SDC3: variants seen among roughly 807,000 people sequenced by gnomAD.
SDC3 encodes syndecan-3.
SDC3 carries 13 observed loss-of-function variants against 24.4 expected under a neutral mutation model. The ratio of observed to expected loss-of-function variants is 0.53; its 90% confidence interval spans 0.35 to 0.85. SDC3 has a LOEUF of 0.85. SDC3 is among the 40% of genes least tolerant of loss of function. The probability of loss-of-function intolerance (pLI) is 0.01; values close to 1 mark genes in which losing one functional copy is unlikely to be tolerated. For missense variants in SDC3, 571 were observed against 584.5 expected (o/e 0.98, Z 0.24); for synonymous variants, 295 against 260.9 (o/e 1.13, Z -1.26).
intron 1 of SDC3, among the ~76,000 whole-genome samples, chr1:30,890,416 A>G (rs1394479125): frequency 2.0e-5 from 3 of 152,254 alleles, no homozygotes; most frequent in African/African-American, 4.8e-5. Flanking sequence ...ATATTATTCC[A>G]TTTATATGAA....
intron 1 of SDC3, among the ~76,000 whole-genome samples, chr1:30,882,073 A>C (rs1392376584): frequency 6.6e-6 from 1 of 151,926 alleles, no homozygotes; most frequent in Non-Finnish European, 1.5e-5. Context: ...GACCCAACAC[A>C]CCAGGCACTC....
rs777652983 is a variant in SDC3, at chr1:30,877,113, T to C, written c.309A>G (p.Val103=). 6.2e-7 allele frequency: 1 copy of C among 1,613,922 alleles called. No individual in the cohort carries two copies. Among genetic ancestry groups the C allele is most frequent in the Non-Finnish European group, 8.5e-7 (1 of 1,179,982 alleles). The change falls in exon 3 of 5, where the codon GTA becomes GTG. Residue 103 remains valine, a synonymous_variant. Transcript: ENST00000339394. ...CAGGTGTGGTGGACACCGCCAGGGC[T>C]ACATCTGGGCTGAAGCGCATGGCTG... is the stretch of plus-strand genomic sequence containing the variant. The part of the protein sequence containing the change: ...IETAMRFSPD[V]ALAVSTTPAV...
chr1:30,884,538 GTTCCCACCATCCCCCCAGGATGCCCTTT>G (rs1639800545), intron 1 of SDC3, among the ~76,000 whole-genome samples: 1 of 151,940 alleles, frequency 6.6e-6, no homozygotes, highest in African/African-American at 2.4e-5. Flanking sequence ...CCAGCCCTGT[GTTCCCACCATCCCCCCAGGATGCCCTTT>G]TTCCCACTGT....
At chr1:30,897,800 T>C (rs1242753519) in intron 1 of SDC3, among the ~76,000 whole-genome samples, 1 of 152,214 alleles carries the variant, frequency 6.6e-6, no homozygotes, top group Non-Finnish European at 1.5e-5. Context: ...TCCTCTTTTG[T>C]AAAATGAAGA....
intron 1 of SDC3, among the ~76,000 whole-genome samples, chr1:30,905,909 A>G (rs891442301): frequency 1.3e-5 from 2 of 149,336 alleles, no homozygotes; most frequent in African/African-American, 4.9e-5. Context: ...CACCATCTGC[A>G]GTGTGAATGA....
At chr1:30,899,613 A>G (rs1570027316) in intron 1 of SDC3, among the ~76,000 whole-genome samples, 1 of 149,754 alleles carries the variant, frequency 6.7e-6, no homozygotes, top group Non-Finnish European at 1.5e-5. Flanking sequence ...CTCATGATCC[A>G]CCCGCCTTGG....
chr1:30,886,916 C>T (rs1269217495), intron 1 of SDC3, among the ~76,000 whole-genome samples: 1 of 152,156 alleles, frequency 6.6e-6, no homozygotes, highest in African/African-American at 2.4e-5. Context: ...GCAACTGGCT[C>T]AAAGTCACAC....
intron 1 of SDC3, among the ~76,000 whole-genome samples, chr1:30,887,246 C>G (rs1016329289): frequency 3.3e-5 from 5 of 151,914 alleles, no homozygotes; most frequent in Admixed American, 2.0e-4. Flanking sequence ...CCATGACGGT[C>G]ACTGCCAGCA....
chr1:30,907,207 T>C (rs1442984117), intron 1 of SDC3, among the ~76,000 whole-genome samples: 1 of 152,146 alleles, frequency 6.6e-6, no homozygotes, highest in Non-Finnish European at 1.5e-5. Context: ...GGAACCAACC[T>C]GGGAGGCTGG....
At chr1:30,891,990 C>A (rs1332478434) in intron 1 of SDC3, among the ~76,000 whole-genome samples, 1 of 151,994 alleles carries the variant, frequency 6.6e-6, no homozygotes, top group East Asian at 1.9e-4. Context: ...CAATGGGGTG[C>A]AGGGAGCCAA....
In SDC3 at chr1:30,904,107, C is replaced by A. The variant is rs150874157; in HGVS notation, c.138+4342G>T. On this transcript the variant is annotated intron_variant, in intron 1 of 4. Coordinates refer to ENST00000339394, the MANE Select transcript of SDC3 (RefSeq NM_014654.4). Reference sequence around the variant, plus strand: ...AGGTGTGGTGTCAGGTGCCTGTAATCCCAGCTACTTGGGAGGCTGAGGTGG... The same window carrying A: ...AGGTGTGGTGTCAGGTGCCTGTAATACCAGCTACTTGGGAGGCTGAGGTGG... 8.6e-3 allele frequency among the ~76,000 whole-genome samples: 1,302 copies of A among 152,124 alleles called. 15 individuals are homozygous for A. Among genetic ancestry groups the A allele is most frequent in the African/African-American group, 0.029 (1,198 of 41,482 alleles).
chr1:30,906,300 G>A (rs1040347731), intron 1 of SDC3, among the ~76,000 whole-genome samples: 21 of 151,982 alleles, frequency 1.4e-4, no homozygotes, highest in Admixed American at 3.3e-4. Context: ...CTCACCAGGC[G>A]CCCCAGTACC....
chr1:30,880,298 A>C (rs759298641), intron 1 of SDC3, among the ~76,000 whole-genome samples: 1 of 131,980 alleles, frequency 7.6e-6, no homozygotes, highest in African/African-American at 2.8e-5. Context: ...ATGACAGGGA[A>C]GGGGGAGGCA....
At chr1:30,895,391 G>GC (rs1362136662) in intron 1 of SDC3, among the ~76,000 whole-genome samples, 1 of 152,148 alleles carries the variant, frequency 6.6e-6, no homozygotes, top group Non-Finnish European at 1.5e-5. Flanking sequence ...GTCCCCACAA[G>GC]CCCCCCAGCT....
intron 1 of SDC3, among the ~76,000 whole-genome samples, chr1:30,905,954 C>T (rs1390894914): frequency 1.8e-5 from 2 of 111,812 alleles, no homozygotes; most frequent in African/African-American, 6.6e-5. Context: ...TGCTGAAAGA[C>T]ACGAAGACAC....
intron 1 of SDC3, among the ~76,000 whole-genome samples, chr1:30,891,824 G>A (rs907080377): frequency 6.7e-6 from 1 of 148,596 alleles, no homozygotes; most frequent in Non-Finnish European, 1.5e-5. Context: ...CTGCACTCCA[G>A]CCTGGGCGAC....
chr1:30,873,485 C>A, intron 4 of SDC3, 108 bp from the exon 5 acceptor site: 2 of 733,112 alleles, frequency 2.7e-6, no homozygotes, highest in South Asian at 3.4e-5. Context: ...AGTCCCAGAT[C>A]TGAGTTGGAG....
At chr1:30,907,863 C>T (rs1303046396) in intron 1 of SDC3, among the ~76,000 whole-genome samples, 3 of 152,196 alleles carry the variant, frequency 2.0e-5, no homozygotes, top group Non-Finnish European at 4.4e-5. Context: ...GGCCGGCTGC[C>T]GCGACCCTGG....
At chr1:30,898,010 C>G (rs1297060255) in intron 1 of SDC3, among the ~76,000 whole-genome samples, 5 of 152,164 alleles carry the variant, frequency 3.3e-5, no homozygotes, top group Non-Finnish European at 7.3e-5. Flanking sequence ...GGTTTGGACT[C>G]AAAGCCCACC....
Sources: allele counts gnomAD v4.1 joint callset (sites outside exome capture counted in the v4.1 genomes callset), GRCh38; gene constraint gnomAD v4.1.1; transcripts MANE v1.5; gene names NCBI Gene and HGNC (gene_info 2026-07-23, HGNC 2026-07-21).